LRRC61: variants seen among roughly 807,000 people sequenced by gnomAD.
LRRC61 encodes the protein leucine rich repeat containing 61, also known as leucine-rich repeat-containing protein 61.
In LRRC61, 9 loss-of-function variants were observed where a neutral mutation model predicts 15.1. The observed-to-expected ratio is 0.60, with a 90% confidence interval of 0.36 to 1.04. The LOEUF is 1.04. Among genes scored for constraint, LRRC61 ranks in the 50% least tolerant of loss-of-function variants. LRRC61 has a pLI of 0.01. For missense variants in LRRC61, 344 were observed against 335.6 expected, an observed-to-expected ratio of 1.03 and a Z score of -0.20; for synonymous variants, 173 against 158.6, an observed-to-expected ratio of 1.09 and a Z score of -0.68.
chr7:150,335,327 C>T lies in LRRC61; in HGVS notation c.-144-1391C>T, dbSNP rs78911567. ...AATCCACACTTCTTGGCAGATGCTTCCAGTCTCTTTTGGAAAGTATATATA... is the reference window on the plus strand; with the variant it reads ...AATCCACACTTCTTGGCAGATGCTTTCAGTCTCTTTTGGAAAGTATATATA... On this transcript the variant is annotated intron_variant, in intron 2 of 2. Transcript: ENST00000359623. The surrounding 1 kb of genome is among the most constrained non-coding windows in gnomAD (Gnocchi z 4.3). Among the ~76,000 whole-genome samples the T allele has an allele frequency of 0.039, 5,926 of 152,264 alleles. 253 individuals are homozygous for T. Among genetic ancestry groups the T allele is most frequent in the East Asian group, 0.13 (670 of 5,186 alleles).
chr7:150,315,279 G>A, the LRRC61 span, among the ~76,000 whole-genome samples: 6 of 151,966 alleles, frequency 3.9e-5, no homozygotes, highest in East Asian at 9.6e-4. Context: ...GAACGTCATC[G>A]TGATAAACTT....
At position 150,333,998 on chromosome 7, in the gene LRRC61, A is replaced by G; in HGVS notation, c.-144-2720A>G. ...GGGCAGGACGGGGCCACACTGGTGCAGGGCTGTGTGTTGGAGGGCAACAGG... is the reference window on the plus strand; with the variant it reads ...GGGCAGGACGGGGCCACACTGGTGCGGGGCTGTGTGTTGGAGGGCAACAGG... On this transcript the variant is annotated intron_variant, in intron 2 of 2. Coordinates refer to ENST00000359623, the MANE Select transcript of LRRC61 (RefSeq NM_001142928.2). This position sits in a 1 kb window ranked among gnomAD's most constrained non-coding sequence, Gnocchi z 4.3. 5 of 984,964 alleles carry G rather than the reference A, an allele frequency of 5.1e-6. No homozygotes were observed. The highest frequency in any genetic ancestry group is 6.0e-6 in the Non-Finnish European group (5 of 829,816). The allele number at this position is 984,964 out of a possible 1,614,324, so 61.0% of individuals were successfully genotyped here. A position where few individuals can be genotyped will look rare whatever the true frequency, so the allele number is the denominator to read the frequency against.
upstream of LRRC61, among the ~76,000 whole-genome samples, chr7:150,319,208 T>C (rs1469515948): frequency 6.7e-6 from 1 of 149,342 alleles, no homozygotes; most frequent in Non-Finnish European, 1.5e-5. Context: ...GCTTCTTCTT[T>C]TTTTTTTTTT....
At position 150,330,272 on chromosome 7, in the gene LRRC61, G is replaced by A. The variant is rs533381274; in HGVS notation, c.-145+4262G>A. 1.4e-5 allele frequency: 9 copies of A among 632,480 alleles called. No homozygotes were observed. The highest frequency in any genetic ancestry group is 2.7e-5 in the East Asian group (1 of 36,570). 39.2% of individuals were successfully genotyped at this position (632,480 alleles called of 1,614,324 possible). A position where few individuals can be genotyped will look rare whatever the true frequency, so the allele number is the denominator to read the frequency against. On this transcript the variant is annotated intron_variant, in intron 2 of 2. Coordinates refer to ENST00000359623, the MANE Select transcript of LRRC61 (RefSeq NM_001142928.2). The surrounding 1 kb of genome is among the most constrained non-coding windows in gnomAD (Gnocchi z 4.6). Reference sequence around the variant, plus strand: ...GGGTCTCGGCCTACCACCTGCTGGAGTGGCTGGTGGAGCAGCAGCAGCCCC... The same window carrying A: ...GGGTCTCGGCCTACCACCTGCTGGAATGGCTGGTGGAGCAGCAGCAGCCCC...
intron 2 of LRRC61, chr7:150,331,048 A>G (rs748911762): frequency 2.9e-5 from 47 of 1,612,240 alleles, no homozygotes; most frequent in Non-Finnish European, 1.4e-5. Context: ...CCCCTGGCTT[A>G]CTGGGAGAAG....
chr7:150,323,695 A>C lies in LRRC61; in HGVS notation c.-315+135A>C. 3 of 456,258 alleles carry C rather than the reference A, an allele frequency of 6.6e-6. No individual in the cohort carries two copies. In the Middle Eastern group the frequency reaches 9.8e-4, roughly 148 times the overall value. 28.3% of individuals were successfully genotyped at this position (456,258 alleles called of 1,614,324 possible). ...ACTGGGAGAGGCCAGAATCTTCCGG[A>C]ACAGCCAGCCCTTACCCATCTCTCC... On this transcript the variant is annotated intron_variant, in intron 1 of 2. Transcript: ENST00000359623.
chr7:150,336,934 A>G lies in LRRC61; in HGVS notation c.73A>G (p.Thr25Ala). Residue 25 changes from threonine (T) to alanine (A), a missense_variant, in exon 3 of 3, where the codon ACA (threonine) becomes GCA (alanine). Physicochemically the swap from Thr to Ala is moderately conservative, Grantham distance 58. Transcript: ENST00000359623. Reference protein sequence around the residue: ...QITPQLLKSRTGEFSLESILL... With the variant: ...QITPQLLKSRAGEFSLESILL... ...CACACCCCAGCTGCTGAAGTCACGC[A>G]CAGGCGAGTTCTCCCTGGAGTCCAT... 6.2e-7 allele frequency: 1 copy of G among 1,613,870 alleles called. No homozygotes were observed. The highest frequency in any genetic ancestry group is 8.5e-7 in the Non-Finnish European group (1 of 1,180,030).
At chr7:150,314,160 G>A in the LRRC61 span, among the ~76,000 whole-genome samples, 1 of 152,172 alleles carries the variant, frequency 6.6e-6, no homozygotes, top group Non-Finnish European at 1.5e-5. Context: ...GTCTCCTAGG[G>A]TCAGTGGCAG....
At chr7:150,325,405 G>A (rs1423478618) in intron 1 of LRRC61, among the ~76,000 whole-genome samples, 2 of 152,262 alleles carry the variant, frequency 1.3e-5, no homozygotes, top group Non-Finnish European at 2.9e-5. Context: ...GAAGCCCTTG[G>A]AATCTTGTCT....
At chr7:150,328,382 C>T (rs914542392) in intron 2 of LRRC61, among the ~76,000 whole-genome samples, 42 of 152,046 alleles carry the variant, frequency 2.8e-4, no homozygotes, top group African/African-American at 9.7e-4. Flanking sequence ...AGTTTGTAAA[C>T]AATAAAACCC....
chr7:150,337,434 C>G lies in LRRC61; in HGVS notation c.573C>G (p.Pro191=). 1.9e-6 allele frequency: 3 copies of G among 1,604,926 alleles called. No individual in the cohort carries two copies. Among genetic ancestry groups the G allele is most frequent in the Non-Finnish European group, 1.7e-6 (2 of 1,179,886 alleles). Residue 191 remains proline (P), a synonymous_variant, in exon 3 of 3, where the codon CCC becomes CCG. Coordinates refer to ENST00000359623, the MANE Select transcript of LRRC61 (RefSeq NM_001142928.2). ...TGCGTCCCAGCTCCAGTCCAGGCCCCAGAGCCACCGAGGCCCAGCCCTGGG... is the reference window on the plus strand; with the variant it reads ...TGCGTCCCAGCTCCAGTCCAGGCCCGAGAGCCACCGAGGCCCAGCCCTGGG... ...SSLRPSSSPG[P]RATEAQPWVE...
chr7:150,321,093 A>T (rs184888057), upstream of LRRC61, among the ~76,000 whole-genome samples: 2 of 152,220 alleles, frequency 1.3e-5, no homozygotes, highest in East Asian at 3.9e-4. Flanking sequence ...TTCAGCAAAA[A>T]TCCCCTACCC....
upstream of LRRC61, among the ~76,000 whole-genome samples, chr7:150,321,122 G>A (rs757940028): frequency 3.9e-5 from 6 of 152,056 alleles, no homozygotes; most frequent in South Asian, 4.2e-4. Flanking sequence ...TGATCACCTC[G>A]GCTTGTGTTC....
At chr7:150,310,730 C>T in the LRRC61 span, among the ~76,000 whole-genome samples, 15 of 152,150 alleles carry the variant, frequency 9.9e-5, no homozygotes, top group African/African-American at 3.1e-4. Flanking sequence ...CAGGAACAGC[C>T]CACACTACTT....
the LRRC61 span, among the ~76,000 whole-genome samples, chr7:150,316,811 T>C: frequency 6.6e-6 from 1 of 152,144 alleles, no homozygotes; most frequent in Non-Finnish European, 1.5e-5. Context: ...AAGTTCCTCT[T>C]GGAATTTTTC....
chr7:150,320,744 CAG>C (rs1797423079), upstream of LRRC61, among the ~76,000 whole-genome samples: 1 of 152,228 alleles, frequency 6.6e-6, no homozygotes, highest in South Asian at 2.1e-4. Context: ...GCCTGGGCAA[CAG>C]AGTGAGACTC....
intron 1 of LRRC61, 50 bp from the exon 2 acceptor site, chr7:150,325,791 T>G (rs139852729): frequency 3.3e-5 from 5 of 152,562 alleles, no homozygotes; most frequent in African/African-American, 1.2e-4. Context: ...TTCTTAGTTA[T>G]AAAGTACTGA....
Position 150,336,994 on chromosome 7 carries a change from G to C in LRRC61, c.133G>C (p.Asp45His). Residue 45 changes from aspartate to histidine, a missense_variant, in exon 3 of 3, where the codon GAC becomes CAC. Transcript: ENST00000359623. ...LLKLRGLGLA[D>H]LGCLGECLGL... Reference sequence around the variant, plus strand: ...GAAGCTGCGTGGCTTGGGACTGGCTGACCTGGGCTGCCTGGGAGAGTGCCT... The same window carrying C: ...GAAGCTGCGTGGCTTGGGACTGGCTCACCTGGGCTGCCTGGGAGAGTGCCT... 1 of 1,613,946 alleles carries C rather than the reference G, an allele frequency of 6.2e-7. No individual in the cohort carries two copies. Among genetic ancestry groups the C allele is most frequent in the African/African-American group, 1.3e-5 (1 of 75,080 alleles).
upstream of LRRC61, among the ~76,000 whole-genome samples, chr7:150,321,713 C>T (rs553905200): frequency 6.6e-6 from 1 of 152,116 alleles, no homozygotes; most frequent in Admixed American, 6.5e-5. Context: ...GCACTCCAGC[C>T]TGGGCAAGAG....
Sources: allele counts gnomAD v4.1 joint callset (sites outside exome capture counted in the v4.1 genomes callset), GRCh38; gene constraint gnomAD v4.1.1; non-coding constraint Gnocchi (gnomAD v3.1); transcripts MANE v1.5; gene names NCBI Gene and HGNC (gene_info 2026-07-23, HGNC 2026-07-21).